The following ROBO1 variants were observed in gnomAD, a reference collection of about 807,000 sequenced individuals.
The protein encoded by ROBO1 is roundabout guidance receptor 1, also known as roundabout homolog 1.
ROBO1 carries 149 observed loss-of-function variants against 195.9 expected under a neutral mutation model. The ratio of observed to expected loss-of-function variants is 0.76; its 90% CI spans 0.67 to 0.87. The LOEUF is 0.87. Ranked by LOEUF, ROBO1 falls within the 40% of genes least tolerant of loss-of-function variation. The pLI, the probability that ROBO1 is intolerant of heterozygous loss-of-function variation, is 0.00. For missense variants in ROBO1, 1,933 were observed against 2,068.3 expected, an observed-to-expected ratio of 0.93 and a Z score of 1.27; for synonymous variants, 816 against 733.2, an observed-to-expected ratio of 1.11 and a Z score of -1.82.
chr3:78,674,019 A>T (rs1215095911), intron 10 of ROBO1, among the ~76,000 whole-genome samples: 1 of 152,140 alleles, frequency 6.6e-6, no homozygotes, highest in Non-Finnish European at 1.5e-5. Context: ...AGTAACTGGC[A>T]AATCTTTTTT....
At chr3:78,856,126 T>G (rs1463945552) in intron 4 of ROBO1, among the ~76,000 whole-genome samples, 1 of 151,856 alleles carries the variant, frequency 6.6e-6, no homozygotes, top group African/African-American at 2.4e-5. Flanking sequence ...GTAATCTACA[T>G]GATGGTTGTA....
intron 2 of ROBO1, among the ~76,000 whole-genome samples, chr3:79,484,755 C>CTTTTTTATTTTTTTTTTTTT (rs1939062753): frequency 1.5e-5 from 1 of 66,884 alleles, no homozygotes; most frequent in African/African-American, 5.6e-5. Flanking sequence ...ATTGCACTAT[C>CTTTTTTATTTTTTTTTTTTT]TTTTTTTTTT....
chr3:79,302,932 G>T (rs2033032393), intron 2 of ROBO1, among the ~76,000 whole-genome samples: 1 of 151,982 alleles, frequency 6.6e-6, no homozygotes, highest in African/African-American at 2.4e-5. Context: ...GGTATCCTTT[G>T]TGTCACCCGT....
chr3:79,603,078 A>G (rs1233312031), intron 1 of ROBO1, among the ~76,000 whole-genome samples: 2 of 151,944 alleles, frequency 1.3e-5, no homozygotes, highest in Non-Finnish European at 2.9e-5. Flanking sequence ...CCAACTGTCT[A>G]TTCTGGGTTG....
chr3:78,860,326 A>ATATATATATATATATTT lies in ROBO1; in HGVS notation c.499+78274_499+78275insAAATATATATATATATA, dbSNP rs376853384. 2.9e-3 allele frequency among the ~76,000 whole-genome samples: 267 copies of ATATATATATATATATTT among 93,430 alleles called. 3 individuals carry two copies. Among genetic ancestry groups the ATATATATATATATATTT allele is most frequent in the African/African-American group, 0.011 (249 of 22,148 alleles). 61.3% of individuals were successfully genotyped at this position (93,430 alleles called of 152,430 possible). A position where few individuals can be genotyped will look rare whatever the true frequency, so the allele number is the denominator to read the frequency against. The stretch of plus-strand genomic sequence containing the variant: ...ACTATATATATATATATATATATAT[A>ATATATATATATATATTT]TTTTTTTTTTTTTACTCATAAGGTG... On this transcript the variant is annotated intron_variant, in intron 4 of 30. Coordinates refer to ENST00000464233, the MANE Select transcript of ROBO1 (RefSeq NM_002941.4).
chr3:78,849,427 C>T (rs1173516101), intron 4 of ROBO1, among the ~76,000 whole-genome samples: 1 of 151,880 alleles, frequency 6.6e-6, no homozygotes, highest in Non-Finnish European at 1.5e-5. Context: ...TTTTATAGGA[C>T]CTTTTAGGAC....
chr3:79,092,608 C>T (rs554866015), intron 3 of ROBO1, among the ~76,000 whole-genome samples: 1 of 152,236 alleles, frequency 6.6e-6, no homozygotes, highest in Non-Finnish European at 1.5e-5. Flanking sequence ...CCTTTTTCTC[C>T]TCAATTCCTT....
At chr3:78,891,366 C>A (rs1196969617) in intron 4 of ROBO1, among the ~76,000 whole-genome samples, 1 of 151,998 alleles carries the variant, frequency 6.6e-6, no homozygotes, top group Non-Finnish European at 1.5e-5. Flanking sequence ...AAAAATTCAA[C>A]ATCATGAAGC....
chr3:78,891,933 T>C (rs757868097), intron 4 of ROBO1, among the ~76,000 whole-genome samples: 47 of 152,210 alleles, frequency 3.1e-4, no homozygotes, highest in Non-Finnish European at 6.5e-4. Flanking sequence ...CCTCTCAAGA[T>C]AGGGATTGAC....
chr3:79,742,666 C>T (rs529174403), intron 1 of ROBO1, among the ~76,000 whole-genome samples: 32 of 152,264 alleles, frequency 2.1e-4, no homozygotes, highest in African/African-American at 7.0e-4. Flanking sequence ...TTATGAATTA[C>T]CCAGTCTTAG....
intron 2 of ROBO1, among the ~76,000 whole-genome samples, chr3:79,252,377 A>G (rs2082748034): frequency 1.3e-5 from 2 of 152,124 alleles, no homozygotes; most frequent in Admixed American, 6.5e-5. Flanking sequence ...TTGGACACAC[A>G]CAGGGTAGAA....
intron 2 of ROBO1, among the ~76,000 whole-genome samples, chr3:79,212,329 A>G (rs2108804556): frequency 6.6e-6 from 1 of 152,248 alleles, no homozygotes; most frequent in African/African-American, 2.4e-5. Flanking sequence ...ATAAGAAAAT[A>G]CTCAGCCTCT....
intron 1 of ROBO1, among the ~76,000 whole-genome samples, chr3:79,731,600 AC>A (rs1166432939): frequency 3.3e-5 from 5 of 152,176 alleles, no homozygotes; most frequent in Non-Finnish European, 4.4e-5. Context: ...AAAAAACAAA[AC>A]AAAAAACAAT....
At chr3:79,294,704 A>C (rs2032481766) in intron 2 of ROBO1, among the ~76,000 whole-genome samples, 2 of 152,204 alleles carry the variant, frequency 1.3e-5, no homozygotes, top group Non-Finnish European at 2.9e-5. Context: ...TATCCATCTC[A>C]CAAAGGGCTA....
chr3:78,840,106 G>A (rs1360973523), intron 4 of ROBO1, among the ~76,000 whole-genome samples: 2 of 152,204 alleles, frequency 1.3e-5, no homozygotes, highest in African/African-American at 4.8e-5. Flanking sequence ...CATTTTGGCT[G>A]TCTTAATGAT....
chr3:79,766,750 G>C (rs1006794279), intron 1 of ROBO1, among the ~76,000 whole-genome samples: 2 of 152,114 alleles, frequency 1.3e-5, no homozygotes, highest in Non-Finnish European at 2.9e-5. Context: ...TCATGGAAGC[G>C]GGGCTGGCAA....
At chr3:79,516,552 CTCTT>C (rs1026580975) in intron 2 of ROBO1, among the ~76,000 whole-genome samples, 1 of 152,102 alleles carries the variant, frequency 6.6e-6, no homozygotes, top group Non-Finnish European at 1.5e-5. Flanking sequence ...TTGCCATAGT[CTCTT>C]TGTTTATACA....
At chr3:79,502,617 C>A (rs542388567) in intron 2 of ROBO1, among the ~76,000 whole-genome samples, 2 of 152,164 alleles carry the variant, frequency 1.3e-5, no homozygotes, top group African/African-American at 2.4e-5. Context: ...GCGCACAGCG[C>A]GGGACTGGCG....
chr3:78,867,610 T>C (rs1268415569), intron 4 of ROBO1, among the ~76,000 whole-genome samples: 1 of 152,170 alleles, frequency 6.6e-6, no homozygotes, highest in Non-Finnish European at 1.5e-5. Flanking sequence ...GCTATTTGCT[T>C]GGGAATCATG....
Sources: gnomAD v4.1 joint callset for allele counts (sites outside exome capture counted in the v4.1 genomes callset) on GRCh38, gnomAD v4.1.1 for gene constraint, MANE v1.5 for transcripts, NCBI Gene and HGNC (gene_info 2026-07-23, HGNC 2026-07-21) for gene names.